The following VWA2 variants were observed in gnomAD, a reference collection of about 807,000 sequenced individuals.
The protein encoded by VWA2 is von Willebrand factor A domain containing 2.
A neutral mutation model predicts 70.4 loss-of-function variants in VWA2; 73 were observed. The ratio of observed to expected loss-of-function variants is 1.04; its 90% CI spans 0.86 to 1.26. The LOEUF is 1.26. Ranked by LOEUF, VWA2 falls within the 50% of genes most tolerant of loss-of-function variation. VWA2 has a pLI of 0.00. For missense variants in VWA2, 1,011 were observed against 998.5 expected (o/e 1.01, Z -0.17); for synonymous variants, 407 against 423.3 (o/e 0.96, Z 0.47).
At position 114,289,130 on chromosome 10, in the gene VWA2, A is replaced by G. The variant is rs1442109893; in HGVS notation, c.1763A>G (p.Lys588Arg). 11 of 1,613,910 alleles carry G rather than the reference A, an allele frequency of 6.8e-6. No individual in the cohort carries two copies. Among genetic ancestry groups the G allele is most frequent in the Non-Finnish European group, 9.3e-6 (11 of 1,180,018 alleles). Reference sequence around the variant, plus strand: ...CAGACTGCCTTCGGGCTGGACACCAAACCCACCCGGGCTGCGATGCTGCGG... The same window carrying G: ...CAGACTGCCTTCGGGCTGGACACCAGACCCACCCGGGCTGCGATGCTGCGG... ...QVQTAFGLDT[K>R]PTRAAMLRAI... is the part of the protein sequence containing the mutation. The change falls in exon 12 of 14, where the codon AAA becomes AGA. Residue 588 changes from lysine (K) to arginine (R), a missense_variant. Physicochemically the swap from Lys to Arg is conservative, Grantham distance 26. Transcript: ENST00000392982.
At chr10:114,262,080 T>A (rs1488885678) in intron 5 of VWA2, among the ~76,000 whole-genome samples, 1 of 152,060 alleles carries the variant, frequency 6.6e-6, no homozygotes, top group East Asian at 1.9e-4. Context: ...TCAGGAGGGA[T>A]CCGCCCCCAT....
intron 4 of VWA2, 127 bp from the exon 5 acceptor site, chr10:114,261,059 G>T (rs899867511): frequency 3.1e-6 from 2 of 646,324 alleles, no homozygotes; most frequent in Non-Finnish European, 5.4e-6. Context: ...ACTGGAGAAA[G>T]CTCTGGCACT....
At chr10:114,274,999 G>A (rs1005615226) in intron 6 of VWA2, among the ~76,000 whole-genome samples, 3 of 152,182 alleles carry the variant, frequency 2.0e-5, no homozygotes, top group Non-Finnish European at 2.9e-5. Flanking sequence ...GGTGCACATT[G>A]TACAGCTCAG....
rs2039444805 is a variant in VWA2 at position 114,290,288 on chromosome 10, A to T, written c.2171A>T (p.Glu724Val). Residue 724 changes from glutamate (E) to valine (V), a missense_variant, in exon 13 of 14, where the codon GAG becomes GTG. Physicochemically the swap from Glu to Val is moderately radical, Grantham distance 121 (BLOSUM62 -2). Transcript: ENST00000392982. ...TGCAAACCCAGCCCGTGCATGAATG[A>T]GGGCAGCTGCGTCCTGCAGAATGGG... ...NLCKPSPCMNEGSCVLQNGSY... is the reference protein window; with the variant it reads ...NLCKPSPCMNVGSCVLQNGSY... The T allele has an allele frequency of 6.4e-7, 1 of 1,550,440 alleles. No homozygotes were observed. Among genetic ancestry groups the T allele is most frequent in the African/African-American group, 1.4e-5 (1 of 73,032 alleles).
At chr10:114,240,139 C>T (rs2036950206) in intron 1 of VWA2, among the ~76,000 whole-genome samples, 1 of 152,246 alleles carries the variant, frequency 6.6e-6, no homozygotes, top group Non-Finnish European at 1.5e-5. Context: ...GAGGGGCCGG[C>T]TGCCCCGAGA....
At chr10:114,240,832 G>A (rs1156670892) in intron 1 of VWA2, among the ~76,000 whole-genome samples, 1 of 152,202 alleles carries the variant, frequency 6.6e-6, no homozygotes, top group Non-Finnish European at 1.5e-5. Flanking sequence ...CCATCTCCTA[G>A]TAGTGTAAGA....
chr10:114,247,495 C>A (rs2037096992), intron 1 of VWA2, among the ~76,000 whole-genome samples: 1 of 152,130 alleles, frequency 6.6e-6, no homozygotes, highest in African/African-American at 2.4e-5. Flanking sequence ...GACACTGTTT[C>A]ACCGTGTTGG....
At chr10:114,257,024 A>G (rs2037346093) in intron 4 of VWA2, among the ~76,000 whole-genome samples, 1 of 152,188 alleles carries the variant, frequency 6.6e-6, no homozygotes, top group African/African-American at 2.4e-5. Context: ...TTCCAAGATA[A>G]CATTCCTAGA....
In VWA2 at chr10:114,259,457, C is replaced by T. The variant is rs572546286; in HGVS notation, c.262-1729C>T. Among the ~76,000 whole-genome samples the T allele has an allele frequency of 5.3e-5, 8 of 150,754 alleles. No individual in the cohort carries two copies. In the East Asian group the frequency reaches 7.7e-4, roughly 15 times the overall value. On this transcript the variant is annotated intron_variant, in intron 4 of 13. Coordinates refer to ENST00000392982, the MANE Select transcript of VWA2 (RefSeq NM_001272046.2). ...TTTTTTATGCCATTAAGGTATGTTT[C>T]GTCCCACAGAAGTTGTTTTTTTTTT... is the stretch of plus-strand genomic sequence containing the variant.
In VWA2 at chr10:114,255,717, A is replaced by T. The variant is rs193200880; in HGVS notation, c.261+669A>T. On this transcript the variant is annotated intron_variant, in intron 4 of 13. Transcript: ENST00000392982. ...CTTCATTTCTTGTTCTTCAAATAGT[A>T]GGTCTTAAATATAGCAGAGTGTGGT... 3.2e-4 allele frequency among the ~76,000 whole-genome samples: 49 copies of T among 152,252 alleles called. No homozygotes were observed. In the South Asian group the frequency reaches 4.4e-3, roughly 14 times the overall value.
chr10:114,248,063 G>T (rs996908301), intron 1 of VWA2, among the ~76,000 whole-genome samples: 1 of 150,728 alleles, frequency 6.6e-6, no homozygotes, highest in East Asian at 1.9e-4. Flanking sequence ...AGCCAAGATC[G>T]TGCCACTGCA....
rs2039806651 is a variant in VWA2 at position 114,293,645 on chromosome 10, C to G, written c.*2408C>G. ...CCTTTAATTACTTATTCAAATAAGA[C>G]AGAAATATATTTTCCTTGCAATAAT... On this transcript the variant is annotated 3_prime_UTR_variant, in exon 14 of 14. Coordinates refer to ENST00000392982, the MANE Select transcript of VWA2 (RefSeq NM_001272046.2). Among the ~76,000 whole-genome samples the G allele has an allele frequency of 6.6e-6, 1 of 152,138 alleles. No individual in the cohort carries two copies.
intron 1 of VWA2, among the ~76,000 whole-genome samples, chr10:114,246,369 C>T (rs772173901): frequency 7.2e-5 from 11 of 152,074 alleles, no homozygotes; most frequent in South Asian, 2.1e-4. Flanking sequence ...GGCGTGGTGG[C>T]GCATGCCTGT....
At chr10:114,278,324 G>A (rs1411710959) in intron 7 of VWA2, among the ~76,000 whole-genome samples, 4 of 152,178 alleles carry the variant, frequency 2.6e-5, no homozygotes, top group African/African-American at 4.8e-5. Context: ...AAGAGACAGA[G>A]CCAAGTCTCC....
intron 3 of VWA2, among the ~76,000 whole-genome samples, chr10:114,254,660 C>T (rs533139593): frequency 8.5e-5 from 13 of 152,304 alleles, no homozygotes; most frequent in African/African-American, 2.9e-4. Flanking sequence ...CCTCATAGAA[C>T]GTAATTGATA....
chr10:114,254,810 G>T, intron 3 of VWA2, 105 bp from the exon 4 acceptor site: 1 of 1,485,222 alleles, frequency 6.7e-7, no homozygotes, highest in South Asian at 1.3e-5. Context: ...CATGCTAAGA[G>T]GGACAGCAGC....
At chr10:114,277,474 A>AC (rs956673254) in intron 6 of VWA2, among the ~76,000 whole-genome samples, 4 of 151,120 alleles carry the variant, frequency 2.6e-5, no homozygotes, top group Admixed American at 1.3e-4. Context: ...GAGCCACCAC[A>AC]CCCCCCCTCC....
intron 2 of VWA2, among the ~76,000 whole-genome samples, chr10:114,251,758 C>T (rs554652820): frequency 2.0e-5 from 3 of 151,398 alleles, no homozygotes; most frequent in South Asian, 2.1e-4. Context: ...TGGGGTGGGC[C>T]GCAGTGGGCC....
At position 114,289,444 on chromosome 10, in the gene VWA2, G is replaced by A. The variant is rs142413003; in HGVS notation, c.2077G>A (p.Asp693Asn). ...CCTGATCCACGTGGCAGCTTACGCC[G>A]ACCTGCGGTACCACCAGGACGTGCT... ...DSLIHVAAYA[D>N]LRYHQDVLIE... The change falls in exon 12 of 14, where the codon GAC becomes AAC. Residue 693 changes from aspartate (D) to asparagine (N), a missense_variant. Transcript: ENST00000392982. The A allele has an allele frequency of 2.2e-5, 35 of 1,614,016 alleles. No individual in the cohort carries two copies. In the East Asian group the frequency reaches 2.2e-4, roughly 10 times the overall value.
Sources: gnomAD v4.1 joint callset for allele counts (sites outside exome capture counted in the v4.1 genomes callset) on GRCh38, gnomAD v4.1.1 for gene constraint, MANE v1.5 for transcripts, NCBI Gene and HGNC (gene_info 2026-07-23, HGNC 2026-07-21) for gene names.